Variants in NOTCH2 observed in about 807,000 individuals in gnomAD.
The protein encoded by NOTCH2 is notch receptor 2.
In NOTCH2, 29 loss-of-function variants were observed where a neutral mutation model predicts 235.8. The observed-to-expected ratio is 0.12, with a 90% CI of 0.09 to 0.17. The LOEUF is 0.17. Among genes scored for constraint, NOTCH2 ranks in the 10% least tolerant of loss-of-function variants. The pLI is 1.00. For synonymous variants in NOTCH2, 1,086 were observed against 1,141.5 expected (o/e 0.95, Z 0.98); for missense variants, 2,285 against 3,150.2 (o/e 0.73, Z 6.57).
chr1:119,997,120 G>A lies in NOTCH2; in HGVS notation c.628C>T (p.Pro210Ser). 1 of 1,614,022 alleles carries A rather than the reference G, an allele frequency of 6.2e-7. No homozygotes were observed. The highest frequency in any genetic ancestry group is 1.1e-5 in the South Asian group (1 of 91,082). The change falls in exon 4 of 34, where the codon CCT (proline) becomes TCT (serine). Residue 210 changes from proline (P) to serine (S), a missense_variant. Physicochemically the swap from Pro to Ser is moderately conservative, Grantham distance 74. Around this residue, in one of 6 missense-constraint regions of NOTCH2, gnomAD observed 431 missense variants for 757.8 expected, o/e 0.57. Coordinates refer to ENST00000256646, the MANE Select transcript of NOTCH2 (RefSeq NM_024408.4). ...CAGTACTGGCCTGTGAAGCCCTGAGGGCACTGGCACTGGTAGGAACCAGGC... is the reference window on the plus strand; with the variant it reads ...CAGTACTGGCCTGTGAAGCCCTGAGAGCACTGGCACTGGTAGGAACCAGGC... ...NLPGSYQCQC[P>S]QGFTGQYCDS...
chr1:119,965,585 T>C lies in NOTCH2; in HGVS notation c.1568-19A>G. ...GTGAAACCTCAAAAAGGGACAGTGGTAACATGAGTCAAAGGATTATCTTGT... is the reference window on the plus strand; with the variant it reads ...GTGAAACCTCAAAAAGGGACAGTGGCAACATGAGTCAAAGGATTATCTTGT... On this transcript the variant is annotated intron_variant, in intron 9 of 33. Coordinates refer to ENST00000256646, the MANE Select transcript of NOTCH2 (RefSeq NM_024408.4). 1 of 1,486,248 alleles carries C rather than the reference T, an allele frequency of 6.7e-7. No homozygotes were observed. Among genetic ancestry groups the C allele is most frequent in the Admixed American group, 1.7e-5 (1 of 59,868 alleles). 92.1% of individuals were successfully genotyped at this position (1,486,248 alleles called of 1,614,324 possible).
intron 33 of NOTCH2, among the ~76,000 whole-genome samples, chr1:119,916,936 G>A (rs1649101526): frequency 1.3e-5 from 2 of 152,176 alleles, no homozygotes; most frequent in Admixed American, 6.5e-5. Context: ...GCCCCTTAGG[G>A]GGAACATCTC....
intron 16 of NOTCH2, 115 bp downstream of exon 16, chr1:119,948,892 A>G: frequency 4.5e-6 from 6 of 1,342,280 alleles, no homozygotes; most frequent in Non-Finnish European, 4.3e-6. Flanking sequence ...TGTGCTCTTG[A>G]CAAGATGGAC....
At chr1:120,010,873 A>C (rs1464559046) in intron 2 of NOTCH2, among the ~76,000 whole-genome samples, 5 of 152,114 alleles carry the variant, frequency 3.3e-5, no homozygotes, top group African/African-American at 1.2e-4. Flanking sequence ...AACAACCCAA[A>C]TGCCTATAAG....
intron 4 of NOTCH2, chr1:119,996,542 A>T: frequency 1.5e-6 from 1 of 660,216 alleles, no homozygotes; most frequent in South Asian, 1.8e-5. Flanking sequence ...TTAGGTGGAT[A>T]AGAAAACAAT....
rs369491141 is a variant in NOTCH2 at position 120,039,509 on chromosome 1, C to T, written c.74-9522G>A. On this transcript the variant is annotated intron_variant, in intron 1 of 33. Transcript: ENST00000256646. ...CTGCAAGCTCCTCCTCCTGGGTTCA[C>T]GCCATTCTCCTGCCTCAGCCTCCCG... is the stretch of plus-strand genomic sequence containing the variant. Among the ~76,000 whole-genome samples, 9 of 150,694 alleles carry T rather than the reference C, an allele frequency of 6.0e-5. No homozygotes were observed. The East Asian group carries it at 7.9e-4, about 13-fold the overall frequency.
chr1:120,026,972 G>A (rs199899587), intron 2 of NOTCH2, among the ~76,000 whole-genome samples: 6 of 140,050 alleles, frequency 4.3e-5, no homozygotes, highest in African/African-American at 1.6e-4. Flanking sequence ...TTTTTTTGGA[G>A]ACACAGTCTC....
chr1:119,965,716 C>T (rs1651110231), intron 9 of NOTCH2, 150 bp from the exon 10 acceptor site: 2 of 716,552 alleles, frequency 2.8e-6, no homozygotes, highest in Non-Finnish European at 5.2e-6. Flanking sequence ...CTGGAATAAC[C>T]AGGTGACACT....
At chr1:119,928,936 C>A in intron 23 of NOTCH2, 40 bp downstream of exon 23, 1 of 1,569,080 alleles carries the variant, frequency 6.4e-7, no homozygotes, top group Non-Finnish European at 8.8e-7. Context: ...TAAAACCATC[C>A]TCCAAGGCAG....
At chr1:119,932,399 C>A (rs1347502318) in intron 22 of NOTCH2, among the ~76,000 whole-genome samples, 2 of 152,078 alleles carry the variant, frequency 1.3e-5, no homozygotes, top group African/African-American at 4.8e-5. Flanking sequence ...ACCAGCCTGA[C>A]CAACATGGAG....
chr1:119,988,675 T>C (rs926455704), intron 4 of NOTCH2, among the ~76,000 whole-genome samples: 2 of 152,130 alleles, frequency 1.3e-5, no homozygotes, highest in Non-Finnish European at 2.9e-5. Flanking sequence ...TTGGAAAATT[T>C]AAAGACATAG....
chr1:119,942,873 C>CTTTTT (rs587671333), intron 17 of NOTCH2, among the ~76,000 whole-genome samples: 1 of 128,800 alleles, frequency 7.8e-6, no homozygotes, highest in Non-Finnish European at 1.6e-5. Context: ...GTCCATATGT[C>CTTTTT]TTTTTTTTTT....
intron 5 of NOTCH2, among the ~76,000 whole-genome samples, chr1:119,981,662 A>G (rs1163641802): frequency 2.0e-5 from 3 of 152,130 alleles, no homozygotes; most frequent in African/African-American, 7.2e-5. Context: ...TTCCACCAAC[A>G]GCGCCACTAA....
intron 1 of NOTCH2, among the ~76,000 whole-genome samples, chr1:120,037,420 T>G (rs1654351535): frequency 6.6e-6 from 1 of 151,802 alleles, no homozygotes; most frequent in Non-Finnish European, 1.5e-5. Flanking sequence ...ACTGCCTGCA[T>G]TATTACCAAA....
intron 5 of NOTCH2, among the ~76,000 whole-genome samples, chr1:119,978,258 C>A (rs587598491): frequency 2.6e-5 from 4 of 152,020 alleles, no homozygotes. Context: ...AAAAAAAATT[C>A]TTGTGGTTGA....
chr1:120,033,057 AG>A (rs1356473242), intron 1 of NOTCH2, among the ~76,000 whole-genome samples: 2 of 151,348 alleles, frequency 1.3e-5, no homozygotes, highest in African/African-American at 4.9e-5. Flanking sequence ...ATTTTAAATC[AG>A]TTTATTGAAA....
intron 1 of NOTCH2, among the ~76,000 whole-genome samples, chr1:120,038,231 G>T (rs1367459903): frequency 2.6e-5 from 4 of 151,986 alleles, no homozygotes; most frequent in African/African-American, 9.7e-5. Context: ...TGAAATATAA[G>T]GTTTGAAAAA....
chr1:119,958,269 C>T (rs1650787172), intron 12 of NOTCH2, among the ~76,000 whole-genome samples: 1 of 152,170 alleles, frequency 6.6e-6, no homozygotes, highest in Non-Finnish European at 1.5e-5. Flanking sequence ...TCAGATTTTG[C>T]TTCTCAGTGA....
chr1:119,923,102 T>C (rs1649343436), intron 26 of NOTCH2, among the ~76,000 whole-genome samples: 1 of 152,222 alleles, frequency 6.6e-6, no homozygotes, highest in Non-Finnish European at 1.5e-5. Context: ...TTCCACTCTT[T>C]CATACCTACT....
Sources: allele counts gnomAD v4.1 joint callset (sites outside exome capture counted in the v4.1 genomes callset), GRCh38; gene constraint gnomAD v4.1.1; regional missense constraint gnomAD v4.1.1; transcripts MANE v1.5; gene names NCBI Gene and HGNC (gene_info 2026-07-23, HGNC 2026-07-21).